Variants in CTNNA3 observed in about 807,000 individuals in gnomAD.
The protein encoded by CTNNA3 is catenin alpha 3.
Under a neutral mutation model 95.7 loss-of-function variants are expected in CTNNA3, and 76 were observed. That is an observed-to-expected ratio of 0.79 (90% CI 0.66 to 0.96). The LOEUF is 0.96. Among genes scored for constraint, CTNNA3 ranks in the 40% least tolerant of loss-of-function variants. The probability of loss-of-function intolerance (pLI) is 0.00; values close to 1 mark genes in which losing one functional copy is unlikely to be tolerated. For synonymous variants in CTNNA3, 431 were observed against 374.4 expected, an observed-to-expected ratio of 1.15 and a Z score of -1.74; for missense variants, 1,191 against 1,089.8, an observed-to-expected ratio of 1.09 and a Z score of -1.31.
At chr10:66,948,978 A>AT (rs1564788191) in intron 7 of CTNNA3, among the ~76,000 whole-genome samples, 1 of 152,088 alleles carries the variant, frequency 6.6e-6, no homozygotes, top group Non-Finnish European at 1.5e-5. Context: ...TAATTGTGTT[A>AT]TTTTTTTCTT....
intron 12 of CTNNA3, among the ~76,000 whole-genome samples, chr10:66,362,497 G>C (rs1162408791): frequency 6.6e-6 from 1 of 151,894 alleles, no homozygotes; most frequent in East Asian, 2.0e-4. Flanking sequence ...GATCACTTGA[G>C]ATCAGGAGTT....
At chr10:67,153,217 C>A (rs1861162175) in intron 7 of CTNNA3, among the ~76,000 whole-genome samples, 3 of 152,148 alleles carry the variant, frequency 2.0e-5, no homozygotes, top group Admixed American at 2.0e-4. Flanking sequence ...CTCAGGTGAT[C>A]CACCCACCTT....
At chr10:66,302,525 C>T (rs1005890842) in intron 12 of CTNNA3, among the ~76,000 whole-genome samples, 10 of 151,932 alleles carry the variant, frequency 6.6e-5, no homozygotes, top group Non-Finnish European at 1.5e-4. Context: ...ACTATGAAGA[C>T]GTGATAACTA....
At position 66,076,953 on chromosome 10, in the gene CTNNA3, T is replaced by C. The variant is rs74140946; in HGVS notation, c.1978-7464A>G. Among the ~76,000 whole-genome samples, 985 of 151,888 alleles carry C rather than the reference T, an allele frequency of 6.5e-3. 4 individuals are homozygous for C. The highest frequency in any genetic ancestry group is 7.5e-3 in the Non-Finnish European group (505 of 67,740). ...TTTCATAAGAAATAGTTATATTTTATCTGTGAATCTAGTTTCTCTCCTTGT... is the reference window on the plus strand; with the variant it reads ...TTTCATAAGAAATAGTTATATTTTACCTGTGAATCTAGTTTCTCTCCTTGT... On this transcript the variant is annotated intron_variant, in intron 14 of 17. Transcript: ENST00000433211.
At chr10:66,241,258 G>T (rs1192954276) in intron 13 of CTNNA3, among the ~76,000 whole-genome samples, 1 of 152,126 alleles carries the variant, frequency 6.6e-6, no homozygotes, top group East Asian at 1.9e-4. Context: ...TTCTGATTGT[G>T]ATATTGTGCT....
At chr10:67,468,160 T>A (rs898685305) in intron 5 of CTNNA3, among the ~76,000 whole-genome samples, 1 of 152,100 alleles carries the variant, frequency 6.6e-6, no homozygotes, top group Non-Finnish European at 1.5e-5. Context: ...TTGGTGTTTT[T>A]CTTGATCCTC....
At position 65,972,184 on chromosome 10, in the gene CTNNA3, G is replaced by T. The variant is rs181310986; in HGVS notation, c.2266-5438C>A. 5.9e-3 allele frequency among the ~76,000 whole-genome samples: 896 copies of T among 152,016 alleles called. 4 individuals carry two copies. Among genetic ancestry groups the T allele is most frequent in the Middle Eastern group, 0.044 (13 of 294 alleles). The stretch of plus-strand genomic sequence containing the variant: ...TGAAAATAATAAGAGCCATCTAAGA[G>T]AAACCACAGCCAACATTATACTTGA... On this transcript the variant is annotated intron_variant, in intron 16 of 17. Transcript: ENST00000433211.
chr10:65,922,416 G>A (rs1589131717), intron 17 of CTNNA3, among the ~76,000 whole-genome samples: 1 of 152,046 alleles, frequency 6.6e-6, no homozygotes, highest in Non-Finnish European at 1.5e-5. Flanking sequence ...GCAAATAGAA[G>A]TACTCAGTCA....
At chr10:67,527,911 A>C (rs1840199678) in intron 4 of CTNNA3, among the ~76,000 whole-genome samples, 2 of 152,248 alleles carry the variant, frequency 1.3e-5, no homozygotes, top group South Asian at 4.1e-4. Flanking sequence ...AAGCTTTAGC[A>C]GAAAAACACT....
chr10:66,571,607 CA>C (rs1466805501), intron 10 of CTNNA3, among the ~76,000 whole-genome samples: 1 of 152,040 alleles, frequency 6.6e-6, no homozygotes, highest in Non-Finnish European at 1.5e-5. Flanking sequence ...CTTTTGGGTT[CA>C]AGGTAGTATA....
chr10:66,685,174 TAC>T (rs1468400975), intron 9 of CTNNA3, among the ~76,000 whole-genome samples: 1 of 135,332 alleles, frequency 7.4e-6, no homozygotes, highest in Non-Finnish European at 1.6e-5. Context: ...TATATATATA[TAC>T]ACATATATAT....
chr10:67,342,654 A>G (rs1406876681), intron 5 of CTNNA3, among the ~76,000 whole-genome samples: 1 of 152,156 alleles, frequency 6.6e-6, no homozygotes, highest in Non-Finnish European at 1.5e-5. Flanking sequence ...TCTTCTGTAC[A>G]TGGATATCCA....
At chr10:67,409,945 G>C (rs546888743) in intron 5 of CTNNA3, among the ~76,000 whole-genome samples, 12 of 152,098 alleles carry the variant, frequency 7.9e-5, no homozygotes, top group Non-Finnish European at 1.6e-4. Flanking sequence ...GGAAGACAGT[G>C]TGGCAATTCC....
chr10:66,901,406 C>G (rs1262391529), intron 7 of CTNNA3, among the ~76,000 whole-genome samples: 1 of 152,174 alleles, frequency 6.6e-6, no homozygotes, highest in Non-Finnish European at 1.5e-5. Context: ...CAACTGGTAC[C>G]AGCCACTGCA....
intron 13 of CTNNA3, among the ~76,000 whole-genome samples, chr10:66,217,249 G>T (rs1314101700): frequency 6.6e-6 from 1 of 151,618 alleles, no homozygotes; most frequent in Non-Finnish European, 1.5e-5. Flanking sequence ...AGCTACTTGG[G>T]AGGCTGAGGC....
At chr10:66,207,474 C>T (rs1030690493) in intron 13 of CTNNA3, among the ~76,000 whole-genome samples, 8 of 151,842 alleles carry the variant, frequency 5.3e-5, no homozygotes, top group East Asian at 1.9e-4. Flanking sequence ...TTGAGATATC[C>T]GCAATAACCA....
intron 9 of CTNNA3, among the ~76,000 whole-genome samples, chr10:66,753,913 G>A (rs941108410): frequency 2.6e-5 from 4 of 152,002 alleles, no homozygotes; most frequent in African/African-American, 9.7e-5. Flanking sequence ...GACAACTCGT[G>A]TTCATGGATC....
At chr10:66,342,176 T>C (rs2092460982) in intron 12 of CTNNA3, among the ~76,000 whole-genome samples, 1 of 151,976 alleles carries the variant, frequency 6.6e-6, no homozygotes, top group African/African-American at 2.4e-5. Flanking sequence ...GTCCAAATAG[T>C]CTAAACCGTA....
At chr10:67,256,527 A>G (rs1179611281) in intron 5 of CTNNA3, among the ~76,000 whole-genome samples, 2 of 152,186 alleles carry the variant, frequency 1.3e-5, no homozygotes, top group Non-Finnish European at 2.9e-5. Flanking sequence ...GATCATTACC[A>G]GATGGTTTAT....
Sources: gnomAD v4.1 joint callset for allele counts (sites outside exome capture counted in the v4.1 genomes callset) on GRCh38, gnomAD v4.1.1 for gene constraint, MANE v1.5 for transcripts, NCBI Gene and HGNC (gene_info 2026-07-23, HGNC 2026-07-21) for gene names.